The following NKAIN2 variants were observed in gnomAD, a reference collection of about 807,000 sequenced individuals.
NKAIN2 encodes sodium/potassium transporting ATPase interacting 2.
In NKAIN2, 14 loss-of-function variants were observed where a neutral mutation model predicts 32.6. The ratio of observed to expected loss-of-function variants is 0.43; its 90% CI spans 0.28 to 0.67. The LOEUF (loss-of-function observed/expected upper bound fraction) is 0.67. NKAIN2 is among the 30% of genes least tolerant of loss of function. The pLI is 0.17. For synonymous variants in NKAIN2, 80 were observed against 87.2 expected, an observed-to-expected ratio of 0.92 and a Z score of 0.46; for missense variants, 198 against 258.3, an observed-to-expected ratio of 0.77 and a Z score of 1.60.
chr6:124,368,625 T>A (rs959712562), intron 3 of NKAIN2, among the ~76,000 whole-genome samples: 2 of 152,012 alleles, frequency 1.3e-5, no homozygotes, highest in African/African-American at 4.8e-5. Context: ...GCATAGAAAA[T>A]GTTCGTAGAA....
intron 1 of NKAIN2, among the ~76,000 whole-genome samples, chr6:123,909,406 A>G (rs190459317): frequency 6.6e-6 from 1 of 152,216 alleles, no homozygotes; most frequent in Admixed American, 6.5e-5. Context: ...TCACAGGAAA[A>G]AACGAATATC....
chr6:124,366,173 C>A (rs1799508227), intron 3 of NKAIN2, among the ~76,000 whole-genome samples: 1 of 151,830 alleles, frequency 6.6e-6, no homozygotes, highest in Admixed American at 6.6e-5. Flanking sequence ...GGAAAAAAAG[C>A]AATAAAGCCA....
intron 4 of NKAIN2, among the ~76,000 whole-genome samples, chr6:124,703,553 A>T (rs1247671403): frequency 6.6e-6 from 1 of 152,040 alleles, no homozygotes; most frequent in Non-Finnish European, 1.5e-5. Context: ...TACTGTAGAC[A>T]AGAGAACAAG....
chr6:124,045,775 G>A (rs540952599), intron 1 of NKAIN2, among the ~76,000 whole-genome samples: 1 of 152,040 alleles, frequency 6.6e-6, no homozygotes, highest in East Asian at 1.9e-4. Flanking sequence ...GGCTTTAAAA[G>A]GTTACTAACA....
chr6:124,175,530 A>T (rs531682426), intron 1 of NKAIN2, among the ~76,000 whole-genome samples: 1 of 152,318 alleles, frequency 6.6e-6, no homozygotes, highest in South Asian at 2.1e-4. Context: ...GCCTGTACCT[A>T]ATGGGAAAAT....
chr6:124,011,252 A>T (rs1424907763), intron 1 of NKAIN2, among the ~76,000 whole-genome samples: 1 of 151,656 alleles, frequency 6.6e-6, no homozygotes. Context: ...CTCCATTCAC[A>T]CCTCACTCTC....
chr6:124,280,285 A>G (rs1047015954), intron 1 of NKAIN2, among the ~76,000 whole-genome samples: 8 of 152,232 alleles, frequency 5.3e-5, no homozygotes, highest in Admixed American at 2.6e-4. Context: ...ATGATGATAT[A>G]ATGTCATGAA....
At chr6:124,372,216 A>G (rs1439838437) in intron 3 of NKAIN2, among the ~76,000 whole-genome samples, 1 of 152,198 alleles carries the variant, frequency 6.6e-6, no homozygotes, top group Admixed American at 6.5e-5. Flanking sequence ...TATTATTACA[A>G]GGTATTTTAT....
intron 4 of NKAIN2, among the ~76,000 whole-genome samples, chr6:124,686,910 G>A (rs923846822): frequency 1.3e-5 from 2 of 152,056 alleles, no homozygotes; most frequent in Admixed American, 1.3e-4. Context: ...CATCTAATAA[G>A]CTGCCAGCAA....
At chr6:124,766,831 T>C (rs868559972) in intron 4 of NKAIN2, among the ~76,000 whole-genome samples, 2 of 152,308 alleles carry the variant, frequency 1.3e-5, no homozygotes, top group South Asian at 2.1e-4. Flanking sequence ...TCAGAGATGA[T>C]TGAGAAGGCT....
At chr6:124,349,805 A>T (rs1798625656) in intron 2 of NKAIN2, among the ~76,000 whole-genome samples, 1 of 152,160 alleles carries the variant, frequency 6.6e-6, no homozygotes, top group Non-Finnish European at 1.5e-5. Flanking sequence ...AGCTAATTTG[A>T]TTTCATCATT....
chr6:124,545,975 T>C (rs1583419117), intron 3 of NKAIN2, among the ~76,000 whole-genome samples: 1 of 152,114 alleles, frequency 6.6e-6, no homozygotes, highest in Admixed American at 6.6e-5. Context: ...TCAACTTTTT[T>C]AATGTTTTAT....
rs553256707 is a variant in NKAIN2 at position 124,327,586 on chromosome 6, G to A, written c.193-27681G>A. On this transcript the variant is annotated intron_variant, in intron 2 of 6. Transcript: ENST00000368417. ...TGTCTATTTACTCAATTTTATAATG[G>A]GGATAATAATAGTATCTACTAAACA... 2.3e-4 allele frequency among the ~76,000 whole-genome samples: 35 copies of A among 152,118 alleles called. No homozygotes were observed. In the Middle Eastern group the frequency reaches 0.014, roughly 60 times the overall value.
chr6:124,044,058 T>C (rs989570244), intron 1 of NKAIN2, among the ~76,000 whole-genome samples: 2 of 152,032 alleles, frequency 1.3e-5, no homozygotes, highest in Non-Finnish European at 2.9e-5. Flanking sequence ...AGATTGGCAG[T>C]CAAGAGAAGC....
At chr6:124,300,686 G>A (rs1178561404) in intron 2 of NKAIN2, among the ~76,000 whole-genome samples, 2 of 152,142 alleles carry the variant, frequency 1.3e-5, no homozygotes, top group African/African-American at 2.4e-5. Flanking sequence ...AGGCCGAGGT[G>A]GTCTCAGATG....
chr6:124,753,339 A>G (rs1777815147), intron 4 of NKAIN2, among the ~76,000 whole-genome samples: 1 of 152,162 alleles, frequency 6.6e-6, no homozygotes, highest in Non-Finnish European at 1.5e-5. Context: ...CAGTACAATA[A>G]CAGTACTGCA....
chr6:124,524,861 T>G (rs973571992), intron 3 of NKAIN2, among the ~76,000 whole-genome samples: 1 of 152,220 alleles, frequency 6.6e-6, no homozygotes, highest in East Asian at 1.9e-4. Context: ...ACAAGTGGTC[T>G]GTAGGTGTAA....
intron 1 of NKAIN2, among the ~76,000 whole-genome samples, chr6:124,002,021 A>G (rs1303186379): frequency 2.0e-5 from 3 of 152,056 alleles, no homozygotes; most frequent in African/African-American, 7.2e-5. Flanking sequence ...CTAGAGTGCT[A>G]TACAACAGTG....
intron 1 of NKAIN2, among the ~76,000 whole-genome samples, chr6:124,228,468 G>C (rs1305902263): frequency 1.3e-5 from 2 of 152,122 alleles, no homozygotes; most frequent in African/African-American, 4.8e-5. Context: ...CTTATACTTT[G>C]TTATAGCAGC....
Sources: gnomAD v4.1 joint callset for allele counts (sites outside exome capture counted in the v4.1 genomes callset) on GRCh38, gnomAD v4.1.1 for gene constraint, MANE v1.5 for transcripts, NCBI Gene and HGNC (gene_info 2026-07-23, HGNC 2026-07-21) for gene names.